The following SVOP variants were observed in gnomAD, a reference collection of about 807,000 sequenced individuals.
The protein encoded by SVOP is SV2 related protein, also known as synaptic vesicle 2-related protein.
Under a neutral mutation model 69.1 loss-of-function variants are expected in SVOP, and 17 were observed. The ratio of observed to expected loss-of-function variants is 0.25; its 90% CI spans 0.17 to 0.37. SVOP has a LOEUF of 0.37. SVOP is among the 10% of genes least tolerant of loss of function. The pLI, the probability that SVOP is intolerant of heterozygous loss-of-function variation, is 1.00. For synonymous variants in SVOP, 238 were observed against 238.6 expected, an observed-to-expected ratio of 1.00 and a Z score of 0.02; for missense variants, 435 against 597.5, an observed-to-expected ratio of 0.73 and a Z score of 2.84.
intron 1 of SVOP, among the ~76,000 whole-genome samples, chr12:108,996,585 A>C (rs978303001): frequency 1.3e-5 from 2 of 151,608 alleles, no homozygotes; most frequent in African/African-American, 2.4e-5. Context: ...AGAAAAACTT[A>C]AGTGTGGTTC....
rs1177269751 is a variant in SVOP, at chr12:108,915,732, G to A, written c.1440+51C>T. ...TCGGCATGTAGTAACTGCTTGCCAT[G>A]CATGGGGTTTTGTCACCCCCCATCC... On this transcript the variant is annotated intron_variant, in intron 15 of 15. Transcript: ENST00000610966. 4 of 1,539,930 alleles carry A rather than the reference G, an allele frequency of 2.6e-6. No individual in the cohort carries two copies. In the Admixed American group the frequency reaches 8.0e-5, roughly 31 times the overall value.
intron 5 of SVOP, among the ~76,000 whole-genome samples, chr12:108,969,151 A>G (rs1165514463): frequency 6.6e-6 from 1 of 152,110 alleles, no homozygotes; most frequent in Non-Finnish European, 1.5e-5. Flanking sequence ...ACAGCTTTAC[A>G]GTTCTTTTAA....
At chr12:108,950,609 C>T (rs918697462) in intron 6 of SVOP, among the ~76,000 whole-genome samples, 3 of 151,908 alleles carry the variant, frequency 2.0e-5, no homozygotes, top group Non-Finnish European at 2.9e-5. Context: ...TCTTGAATGC[C>T]TGAGTCAAGC....
chr12:108,997,540 T>C (rs1298430549), intron 1 of SVOP, among the ~76,000 whole-genome samples: 2 of 152,014 alleles, frequency 1.3e-5, no homozygotes, highest in Non-Finnish European at 2.9e-5. Context: ...AGCAGTAACC[T>C]CTGCAGACTT....
chr12:108,954,905 T>C (rs563384206), intron 6 of SVOP, among the ~76,000 whole-genome samples: 8 of 152,178 alleles, frequency 5.3e-5, no homozygotes, highest in Non-Finnish European at 1.0e-4. Context: ...TGGTGGTGTG[T>C]GCCTGGAAGG....
At position 108,940,895 on chromosome 12, in the gene SVOP, G is replaced by A. The variant is rs894640043; in HGVS notation, c.657C>T (p.Ile219=). ...CCAGGACGACCTCGAACACTGTCCC[G>A]ATGGCCCAGAATACCTGGCACAGGA... ...CILLIEVFWA[I]GTVFEVVLAV... The change falls in exon 8 of 16, where the codon ATC becomes ATT. Residue 219 remains isoleucine, a synonymous_variant. Transcript: ENST00000610966. 5.1e-5 allele frequency: 79 copies of A among 1,536,904 alleles called. No homozygotes were observed. Among genetic ancestry groups the A allele is most frequent in the Middle Eastern group, 3.3e-4 (2 of 5,984 alleles).
At chr12:108,970,386 A>G (rs2137429237) in intron 5 of SVOP, among the ~76,000 whole-genome samples, 1 of 152,296 alleles carries the variant, frequency 6.6e-6, no homozygotes, top group Admixed American at 6.5e-5. Flanking sequence ...ACCTACTTCA[A>G]TGGTTATTAA....
At chr12:108,969,511 G>C (rs908218167) in intron 5 of SVOP, among the ~76,000 whole-genome samples, 31 of 151,764 alleles carry the variant, frequency 2.0e-4, no homozygotes, top group Non-Finnish European at 3.2e-4. Context: ...ATTTTCAGTA[G>C]AGATGGGGTT....
chr12:108,961,729 A>C (rs1334366808), intron 5 of SVOP, among the ~76,000 whole-genome samples: 4 of 152,254 alleles, frequency 2.6e-5, no homozygotes, highest in Non-Finnish European at 5.9e-5. Context: ...ACGTATTTAC[A>C]ATCAGGGGCA....
intron 11 of SVOP, among the ~76,000 whole-genome samples, 162 bp downstream of exon 11, chr12:108,934,033 G>A (rs1004104163): frequency 5.3e-5 from 8 of 152,110 alleles, no homozygotes; most frequent in South Asian, 4.2e-4. Flanking sequence ...TAGCTCCATC[G>A]CGACAAGACT....
At chr12:108,982,797 T>TCATCAC (rs2040146281) in intron 2 of SVOP, among the ~76,000 whole-genome samples, 1 of 133,784 alleles carries the variant, frequency 7.5e-6, no homozygotes. Flanking sequence ...ACTATCATCA[T>TCATCAC]CATCACCATC....
chr12:108,983,497 GGCCCTCCCAACT>G, intron 2 of SVOP, 92 bp downstream of exon 2: 1 of 398,334 alleles, frequency 2.5e-6, no homozygotes, highest in Admixed American at 4.4e-5. Context: ...TGGCCCCCTG[GGCCCTCCCAACT>G]GCCCCTTCAC....
intron 10 of SVOP, among the ~76,000 whole-genome samples, chr12:108,934,539 G>C (rs2039844632): frequency 1.3e-5 from 2 of 152,208 alleles, no homozygotes; most frequent in Admixed American, 1.3e-4. Flanking sequence ...ATCTTGAATA[G>C]GGGTTGGGTA....
At chr12:108,951,078 G>A (rs1230489523) in intron 6 of SVOP, among the ~76,000 whole-genome samples, 1 of 152,218 alleles carries the variant, frequency 6.6e-6, no homozygotes, top group East Asian at 1.9e-4. Flanking sequence ...AAGAACCTGT[G>A]ATCTCAGCCT....
chr12:108,953,488 G>A (rs1379877326), intron 6 of SVOP, among the ~76,000 whole-genome samples: 1 of 152,160 alleles, frequency 6.6e-6, no homozygotes, highest in Non-Finnish European at 1.5e-5. Context: ...ACATTACAAG[G>A]ACTTCTGGTT....
At chr12:108,984,255 T>C (rs2040156129) in intron 1 of SVOP, among the ~76,000 whole-genome samples, 1 of 152,196 alleles carries the variant, frequency 6.6e-6, no homozygotes, top group African/African-American at 2.4e-5. Context: ...TGAGCTCAAG[T>C]GATCCTCCCT....
At chr12:108,992,220 C>T (rs1349818136) in intron 1 of SVOP, among the ~76,000 whole-genome samples, 2 of 149,370 alleles carry the variant, frequency 1.3e-5, no homozygotes, top group Non-Finnish European at 1.5e-5. Context: ...CTGGTACCAT[C>T]GGGCTCTAGC....
chr12:109,002,867 G>C (rs1311544921), intron 1 of SVOP, among the ~76,000 whole-genome samples: 1 of 150,620 alleles, frequency 6.6e-6, no homozygotes, highest in Non-Finnish European at 1.5e-5. Flanking sequence ...TAGATGACAA[G>C]TTAGTGGGTG....
intron 1 of SVOP, among the ~76,000 whole-genome samples, chr12:108,985,528 C>T (rs1353249186): frequency 1.3e-5 from 2 of 149,746 alleles, no homozygotes; most frequent in African/African-American, 2.5e-5. Context: ...AAAAATTAGC[C>T]AGGCATGGTG....
Sources: allele counts gnomAD v4.1 joint callset (sites outside exome capture counted in the v4.1 genomes callset), GRCh38; gene constraint gnomAD v4.1.1; transcripts MANE v1.5; gene names NCBI Gene and HGNC (gene_info 2026-07-23, HGNC 2026-07-21).